PTPRN2: variants seen among roughly 807,000 people sequenced by gnomAD.
PTPRN2 encodes protein tyrosine phosphatase receptor type N2, also known as receptor-type tyrosine-protein phosphatase N2.
Under a neutral mutation model 118.8 loss-of-function variants are expected in PTPRN2, and 74 were observed. That is an observed-to-expected ratio of 0.62 (90% CI 0.52 to 0.76). The LOEUF (loss-of-function observed/expected upper bound fraction) is 0.76, where lower values mean the gene tolerates loss of function less well. Ranked by LOEUF, PTPRN2 falls within the 30% of genes least tolerant of loss-of-function variation. The pLI is 0.00. For synonymous variants in PTPRN2, 641 were observed against 608.0 expected (o/e 1.05, Z -0.80); for missense variants, 1,481 against 1,394.4 (o/e 1.06, Z -0.99).
intron 11 of PTPRN2, among the ~76,000 whole-genome samples, chr7:157,973,137 C>T (rs1040595946): frequency 2.6e-5 from 4 of 152,174 alleles, no homozygotes; most frequent in African/African-American, 9.7e-5. Context: ...CACTGGCCTG[C>T]AGGAGAGGCC....
intron 11 of PTPRN2, among the ~76,000 whole-genome samples, chr7:158,071,624 G>T (rs1428887777): frequency 7.2e-6 from 1 of 139,176 alleles, no homozygotes; most frequent in Non-Finnish European, 1.6e-5. Context: ...TGGTGGAGGT[G>T]CTCGTGGTGG....
Position 158,003,370 on chromosome 7 carries a change from C to T in PTPRN2, c.1723+77928G>A, listed in dbSNP as rs1353817689. On this transcript the variant is annotated intron_variant, in intron 11 of 22. Coordinates refer to ENST00000389418, the MANE Select transcript of PTPRN2 (RefSeq NM_002847.5). The surrounding 1 kb of genome is among the most constrained non-coding windows in gnomAD (Gnocchi z 5.0). ...CGGAGCTTGCAGTGAGCCGAGATCG[C>T]GCCACTGCACTCCAACCTGGGAGAC... 1.3e-5 allele frequency among the ~76,000 whole-genome samples: 2 copies of T among 148,550 alleles called. No individual in the cohort carries two copies. Among genetic ancestry groups the T allele is most frequent in the Non-Finnish European group, 3.0e-5 (2 of 67,218 alleles).
chr7:158,559,596 C>G (rs544713151), intron 1 of PTPRN2, among the ~76,000 whole-genome samples: 4 of 152,304 alleles, frequency 2.6e-5, no homozygotes, highest in South Asian at 4.1e-4. Flanking sequence ...AGGAGGTGAC[C>G]GCGGGGATAC....
chr7:158,041,660 A>G (rs1808483135), intron 11 of PTPRN2, among the ~76,000 whole-genome samples: 2 of 152,208 alleles, frequency 1.3e-5, no homozygotes, highest in South Asian at 2.1e-4. Context: ...CAGAAAAAAG[A>G]GAGAGAAAAC....
At chr7:158,078,864 G>C (rs1812585411) in intron 11 of PTPRN2, among the ~76,000 whole-genome samples, 1 of 152,082 alleles carries the variant, frequency 6.6e-6, no homozygotes, top group Non-Finnish European at 1.5e-5. Flanking sequence ...TTGTTTGTTT[G>C]TGAGACAGGG....
chr7:158,547,338 C>A (rs1826349811), intron 1 of PTPRN2, among the ~76,000 whole-genome samples: 1 of 149,858 alleles, frequency 6.7e-6, no homozygotes, highest in Non-Finnish European at 1.5e-5. Flanking sequence ...CAGCCCCTGG[C>A]ACCCCCAATC....
intron 11 of PTPRN2, among the ~76,000 whole-genome samples, chr7:157,916,518 T>C (rs1240363506): frequency 5.9e-5 from 9 of 152,240 alleles, no homozygotes; most frequent in Non-Finnish European, 1.3e-4. Flanking sequence ...AGGACAGTTC[T>C]GGGAGCAGGT....
At chr7:158,025,880 C>T (rs562076170) in intron 11 of PTPRN2, among the ~76,000 whole-genome samples, 199 of 152,248 alleles carry the variant, frequency 1.3e-3, no homozygotes, top group Non-Finnish European at 2.3e-3. Flanking sequence ...GTGGGATTTG[C>T]TCTTCCGTTT....
chr7:158,112,157 G>C (rs1196320209), intron 9 of PTPRN2, among the ~76,000 whole-genome samples: 1 of 152,188 alleles, frequency 6.6e-6, no homozygotes, highest in Non-Finnish European at 1.5e-5. Context: ...CACTTTGGAA[G>C]TGTGCGCCAG....
chr7:157,737,727 G>A (rs912304628), intron 12 of PTPRN2, among the ~76,000 whole-genome samples: 2 of 152,250 alleles, frequency 1.3e-5, no homozygotes, highest in African/African-American at 4.8e-5. Context: ...TGGTCCTCGG[G>A]AGCATTTACA....
chr7:158,029,161 CCGGGGGCACGGGG>C (rs1807496309), intron 11 of PTPRN2: 1 of 132,264 alleles, frequency 7.6e-6, no homozygotes, highest in Admixed American at 7.9e-5. Flanking sequence ...TATCCACTCG[CCGGGGGCACGGGG>C]TCCGTATCCA....
chr7:158,162,129 T>C (rs1222802918), intron 6 of PTPRN2, among the ~76,000 whole-genome samples: 1 of 152,230 alleles, frequency 6.6e-6, no homozygotes, highest in Non-Finnish European at 1.5e-5. Context: ...CATTCACCAC[T>C]GGTGGCACGC....
At chr7:158,337,137 A>T (rs1278476564) in intron 2 of PTPRN2, among the ~76,000 whole-genome samples, 5 of 152,008 alleles carry the variant, frequency 3.3e-5, no homozygotes, top group African/African-American at 1.2e-4. Flanking sequence ...GGTCACTTAC[A>T]GCCATACTCT....
chr7:158,269,971 C>CA (rs1157808130), intron 3 of PTPRN2, among the ~76,000 whole-genome samples: 2 of 152,166 alleles, frequency 1.3e-5, no homozygotes, highest in East Asian at 3.8e-4. Context: ...GAATCAGAGA[C>CA]AGAGATAGCC....
In PTPRN2 at chr7:158,438,345, C is replaced by T. The variant is rs968719989; in HGVS notation, c.163+51390G>A. Among the ~76,000 whole-genome samples the T allele has an allele frequency of 6.6e-6, 1 of 150,878 alleles. No individual in the cohort carries two copies. The highest frequency in any genetic ancestry group is 1.5e-5 in the Non-Finnish European group (1 of 67,844). ...TGCCACTGCACTCCAACCTGGGCAA[C>T]AGAGTGGGACTCCATCTCAAAAAAA... On this transcript the variant is annotated intron_variant, in intron 2 of 22. Coordinates refer to ENST00000389418, the MANE Select transcript of PTPRN2 (RefSeq NM_002847.5). This position sits in a 1 kb window ranked among gnomAD's most constrained non-coding sequence, Gnocchi z 4.7.
intron 6 of PTPRN2, among the ~76,000 whole-genome samples, chr7:158,146,565 C>CA (rs1373593471): frequency 1.3e-5 from 2 of 151,440 alleles, no homozygotes; most frequent in Non-Finnish European, 2.9e-5. Context: ...ACTAAAAATA[C>CA]AAAAAATTAG....
At chr7:157,755,076 G>A (rs191854905) in intron 12 of PTPRN2, among the ~76,000 whole-genome samples, 25 of 152,272 alleles carry the variant, frequency 1.6e-4, no homozygotes, top group Admixed American at 1.6e-3. Flanking sequence ...TGTAGAGACA[G>A]GGTTTCTCCA....
At chr7:157,848,216 C>T (rs1036817597) in intron 12 of PTPRN2, among the ~76,000 whole-genome samples, 1 of 139,586 alleles carries the variant, frequency 7.2e-6, no homozygotes. Context: ...TCATGGGTGC[C>T]GTATGTTTAC....
In PTPRN2 at chr7:158,333,328, TGTCACCATAAGAGGTGACAC is replaced by T. The variant is rs1804874389; in HGVS notation, c.164-16416_164-16397del. ...CTGCAGACGTCACTCACACCCACAC[TGTCACCATAAGAGGTGACAC>T]CTGCAGACGTCACTCACACCCACAC... On this transcript the variant is annotated intron_variant, in intron 2 of 22. Transcript: ENST00000389418. 3.7e-4 allele frequency among the ~76,000 whole-genome samples: 52 copies of T among 139,716 alleles called. 2 individuals are homozygous for T. Among genetic ancestry groups the T allele is most frequent in the South Asian group, 1.1e-3 (5 of 4,566 alleles). 91.7% of individuals were successfully genotyped at this position (139,716 alleles called of 152,430 possible).
Sources: gnomAD v4.1 joint callset for allele counts (sites outside exome capture counted in the v4.1 genomes callset) on GRCh38, gnomAD v4.1.1 for gene constraint, Gnocchi (gnomAD v3.1) non-coding constraint, MANE v1.5 for transcripts, NCBI Gene and HGNC (gene_info 2026-07-23, HGNC 2026-07-21) for gene names.